The following COL5A2 variants were observed in gnomAD, a reference collection of about 807,000 sequenced individuals.
The protein encoded by COL5A2 is collagen alpha-2(V) chain.
Under a neutral mutation model 208.2 loss-of-function variants are expected in COL5A2, and 23 were observed. The observed-to-expected ratio is 0.11, with a 90% CI of 0.08 to 0.16. The LOEUF is 0.16. Among genes scored for constraint, COL5A2 ranks in the 10% least tolerant of loss-of-function variants. The pLI is 1.00. For synonymous variants in COL5A2, 625 were observed against 628.5 expected (o/e 0.99, Z 0.08); for missense variants, 1,590 against 1,956.4 (o/e 0.81, Z 3.53).
the COL5A2 span, among the ~76,000 whole-genome samples, chr2:189,355,127 G>A: frequency 1.3e-5 from 2 of 152,180 alleles, no homozygotes; most frequent in Non-Finnish European, 2.9e-5. Flanking sequence ...TAATTTGATT[G>A]CACTGTGGTC....
chr2:189,380,343 A>C, the COL5A2 span, among the ~76,000 whole-genome samples: 2 of 151,964 alleles, frequency 1.3e-5, no homozygotes, highest in South Asian at 2.1e-4. Context: ...ACAACAGTAA[A>C]ATGTTTTAAG....
At chr2:189,114,347 G>A (rs1290667044) in intron 1 of COL5A2, among the ~76,000 whole-genome samples, 1 of 152,134 alleles carries the variant, frequency 6.6e-6, no homozygotes, top group Non-Finnish European at 1.5e-5. Context: ...CTACATGGTA[G>A]TTGTACACCA....
chr2:189,244,596 C>G, the COL5A2 span, among the ~76,000 whole-genome samples: 3 of 152,170 alleles, frequency 2.0e-5, no homozygotes, highest in Non-Finnish European at 4.4e-5. Context: ...CCAACTCAGC[C>G]TGGATTTAAT....
the COL5A2 span, among the ~76,000 whole-genome samples, chr2:189,280,703 A>G: frequency 6.6e-6 from 1 of 152,236 alleles, no homozygotes; most frequent in African/African-American, 2.4e-5. Context: ...ACTGTGAAAT[A>G]TTTCTTATAT....
the COL5A2 span, among the ~76,000 whole-genome samples, chr2:189,439,040 C>T: frequency 3.3e-5 from 5 of 152,136 alleles, no homozygotes; most frequent in African/African-American, 1.2e-4. Flanking sequence ...ACTCTTTCAC[C>T]AAACAGCTCC....
the COL5A2 span, among the ~76,000 whole-genome samples, chr2:189,288,976 G>A: frequency 6.6e-6 from 1 of 152,144 alleles, no homozygotes; most frequent in Non-Finnish European, 1.5e-5. Context: ...CTCAATTGCT[G>A]CAGAAAAAGC....
At chr2:189,164,247 G>A (rs1688423970) in intron 1 of COL5A2, among the ~76,000 whole-genome samples, 1 of 152,164 alleles carries the variant, frequency 6.6e-6, no homozygotes, top group Non-Finnish European at 1.5e-5. Context: ...CCTGATGCGA[G>A]ATGAATAAAG....
At chr2:189,271,194 C>A in the COL5A2 span, among the ~76,000 whole-genome samples, 1 of 151,960 alleles carries the variant, frequency 6.6e-6, no homozygotes, top group Non-Finnish European at 1.5e-5. Context: ...CAGCCCGTAT[C>A]GTCAAGACAA....
intron 13 of COL5A2, 62 bp from the exon 14 acceptor site, chr2:189,080,093 G>C: frequency 1.5e-5 from 19 of 1,297,332 alleles, no homozygotes; most frequent in Non-Finnish European, 2.0e-5. Flanking sequence ...AAAGGCATAA[G>C]AACCAAAAAT....
the COL5A2 span, among the ~76,000 whole-genome samples, chr2:189,269,968 T>A: frequency 6.6e-6 from 1 of 152,160 alleles, no homozygotes; most frequent in Non-Finnish European, 1.5e-5. Flanking sequence ...CTTAGGAGGG[T>A]GTATGTGTCC....
At chr2:189,338,589 T>A in the COL5A2 span, among the ~76,000 whole-genome samples, 1 of 151,832 alleles carries the variant, frequency 6.6e-6, no homozygotes, top group Non-Finnish European at 1.5e-5. Context: ...GTTGCCATCA[T>A]TTACATAAGG....
chr2:189,155,138 C>G lies in COL5A2; in HGVS notation c.97+24370G>C, dbSNP rs532611874. On this transcript the variant is annotated intron_variant, in intron 1 of 53. Transcript: ENST00000374866. ...GGGACTAGACGTGCATGCCACCAAA[C>G]CTAGTTAACTTTTTTAAATAATTTT... 4.6e-5 allele frequency among the ~76,000 whole-genome samples: 7 copies of G among 152,070 alleles called. No homozygotes were observed. In the South Asian group the frequency reaches 1.5e-3, roughly 32 times the overall value.
chr2:189,270,596 T>G, the COL5A2 span, among the ~76,000 whole-genome samples: 1 of 152,140 alleles, frequency 6.6e-6, no homozygotes, highest in African/African-American at 2.4e-5. Flanking sequence ...ACAGACTGTT[T>G]GTTACGACTT....
Position 189,085,701 on chromosome 2 carries a change from T to G in COL5A2, c.744+18A>C, listed in dbSNP as rs373820975. Reference sequence around the variant, plus strand: ...GGACCCAAATGTAACTGGGTCTACATGCTTACTTGACATTTACCATTGGTC... The same window carrying G: ...GGACCCAAATGTAACTGGGTCTACAGGCTTACTTGACATTTACCATTGGTC... On this transcript the variant is annotated intron_variant, in intron 10 of 53. Transcript: ENST00000374866. The G allele has an allele frequency of 6.2e-7, 1 of 1,611,592 alleles. No homozygotes were observed. The highest frequency in any genetic ancestry group is 8.5e-7 in the Non-Finnish European group (1 of 1,177,810).
rs1685412318 is a variant in COL5A2 at position 189,034,900 on chromosome 2, A to G, written c.4353+16T>C. The G allele has an allele frequency of 6.2e-7, 1 of 1,613,830 alleles. No homozygotes were observed. Among genetic ancestry groups the G allele is most frequent in the Admixed American group, 1.7e-5 (1 of 60,012 alleles). Reference sequence around the variant, plus strand: ...TTTTTCCTCAACCAGATCAATGTAGATCAAAAAGTACTTACAGAGCAAGTG... The same window carrying G: ...TTTTTCCTCAACCAGATCAATGTAGGTCAAAAAGTACTTACAGAGCAAGTG... On this transcript the variant is annotated intron_variant, in intron 53 of 53. Coordinates refer to ENST00000374866, the MANE Select transcript of COL5A2 (RefSeq NM_000393.5).
the COL5A2 span, among the ~76,000 whole-genome samples, chr2:189,387,798 CAA>C: frequency 6.6e-6 from 1 of 152,120 alleles, no homozygotes; most frequent in Non-Finnish European, 1.5e-5. Flanking sequence ...ACAGTATTCT[CAA>C]AGTTTTATAT....
intron 29 of COL5A2, 60 bp from the exon 30 acceptor site, chr2:189,061,675 T>A: frequency 8.4e-7 from 1 of 1,196,184 alleles, no homozygotes; most frequent in Non-Finnish European, 1.2e-6. Context: ...GCTTCCTCTC[T>A]ACGTGAACCA....
chr2:189,394,899 T>C, the COL5A2 span, among the ~76,000 whole-genome samples: 1 of 152,224 alleles, frequency 6.6e-6, no homozygotes, highest in Non-Finnish European at 1.5e-5. Flanking sequence ...GATTGAACAA[T>C]AACTAGTTTT....
At chr2:189,122,051 A>C (rs1271574167) in intron 1 of COL5A2, among the ~76,000 whole-genome samples, 2 of 152,200 alleles carry the variant, frequency 1.3e-5, no homozygotes, top group African/African-American at 4.8e-5. Context: ...GAAAGATACA[A>C]AAGTTAAAGA....
Sources: gnomAD v4.1 joint callset for allele counts (sites outside exome capture counted in the v4.1 genomes callset) on GRCh38, gnomAD v4.1.1 for gene constraint, MANE v1.5 for transcripts, NCBI Gene and HGNC (gene_info 2026-07-23, HGNC 2026-07-21) for gene names.